MCTP1: variants seen among roughly 807,000 people sequenced by gnomAD.
The protein encoded by MCTP1 is multiple C2 and transmembrane domain-containing protein 1.
Under a neutral mutation model 120.6 loss-of-function variants are expected in MCTP1, and 69 were observed. The observed-to-expected ratio is 0.57, with a 90% CI of 0.47 to 0.70. MCTP1 has a LOEUF of 0.70. MCTP1 is among the 30% of genes least tolerant of loss of function. MCTP1 has a pLI of 0.00. For synonymous variants in MCTP1, 529 were observed against 493.1 expected (o/e 1.07, Z -0.96); for missense variants, 1,203 against 1,248.8 (o/e 0.96, Z 0.55).
At chr5:94,776,445 A>AC (rs2152925236) in intron 19 of MCTP1, among the ~76,000 whole-genome samples, 1 of 152,154 alleles carries the variant, frequency 6.6e-6, no homozygotes, top group Admixed American at 6.5e-5. Flanking sequence ...TACCCCATTT[A>AC]CCCCCAAGTC....
At chr5:94,771,081 C>T (rs1224410546) in intron 19 of MCTP1, among the ~76,000 whole-genome samples, 1 of 152,134 alleles carries the variant, frequency 6.6e-6, no homozygotes, top group Non-Finnish European at 1.5e-5. Context: ...TAGAAGCTTG[C>T]TTTGGAATTG....
Position 95,230,913 on chromosome 5 carries a change from G to A in MCTP1, c.720+52943C>T, listed in dbSNP as rs73776325. On this transcript the variant is annotated intron_variant, in intron 1 of 22. Transcript: ENST00000515393. Reference sequence around the variant, plus strand: ...CACATGCTGAAAAAAACTTCCCATCGTTTAGATTTTTAATCTTATGTGGAA... The same window carrying A: ...CACATGCTGAAAAAAACTTCCCATCATTTAGATTTTTAATCTTATGTGGAA... 6.2e-3 allele frequency among the ~76,000 whole-genome samples: 949 copies of A among 151,934 alleles called. 12 individuals are homozygous for A. Among genetic ancestry groups the A allele is most frequent in the African/African-American group, 0.021 (865 of 41,398 alleles).
At chr5:94,906,745 A>T (rs1450312811) in intron 10 of MCTP1, among the ~76,000 whole-genome samples, 2 of 152,358 alleles carry the variant, frequency 1.3e-5, no homozygotes, top group South Asian at 4.1e-4. Context: ...AATGTAATCC[A>T]TACAAATGTT....
chr5:95,017,729 A>G (rs1228142972), intron 1 of MCTP1, among the ~76,000 whole-genome samples: 2 of 152,156 alleles, frequency 1.3e-5, no homozygotes, highest in Non-Finnish European at 2.9e-5. Context: ...TGGATAACAA[A>G]TGGAATATAA....
chr5:95,133,900 G>A (rs1198370657), intron 1 of MCTP1, among the ~76,000 whole-genome samples: 1 of 152,202 alleles, frequency 6.6e-6, no homozygotes, highest in Non-Finnish European at 1.5e-5. Context: ...TTCCTCAGAA[G>A]AATTTTTCTG....
intron 10 of MCTP1, among the ~76,000 whole-genome samples, chr5:94,901,325 A>G (rs1176552854): frequency 6.6e-6 from 1 of 152,180 alleles, no homozygotes; most frequent in Non-Finnish European, 1.5e-5. Flanking sequence ...CCATGATTCA[A>G]TCACCTTCCA....
At chr5:95,040,814 G>A (rs1271587799) in intron 1 of MCTP1, among the ~76,000 whole-genome samples, 1 of 152,166 alleles carries the variant, frequency 6.6e-6, no homozygotes, top group East Asian at 1.9e-4. Flanking sequence ...CTTGGGACTT[G>A]GTTGAGAATG....
chr5:95,211,426 C>A (rs1752358316), intron 1 of MCTP1, among the ~76,000 whole-genome samples: 1 of 152,122 alleles, frequency 6.6e-6, no homozygotes, highest in Non-Finnish European at 1.5e-5. Flanking sequence ...TAATTCATTT[C>A]ATCTTCCATC....
intron 2 of MCTP1, among the ~76,000 whole-genome samples, chr5:94,960,643 G>A (rs994252515): frequency 3.6e-4 from 55 of 152,094 alleles, no homozygotes; most frequent in African/African-American, 1.1e-3. Flanking sequence ...AGACATTGAC[G>A]TGGCCAAGAA....
intron 3 of MCTP1, among the ~76,000 whole-genome samples, chr5:94,947,547 G>T (rs1819258497): frequency 1.2e-5 from 1 of 86,038 alleles, no homozygotes; most frequent in Non-Finnish European, 2.3e-5. Context: ...TTTAGTGTTA[G>T]TTTACTAAAT....
chr5:95,146,605 ATTTT>A (rs529159619), intron 1 of MCTP1, among the ~76,000 whole-genome samples: 9 of 151,960 alleles, frequency 5.9e-5, no homozygotes, highest in African/African-American at 2.2e-4. Context: ...AATTTTAAAG[ATTTT>A]TTTTAAATTT....
intron 11 of MCTP1, among the ~76,000 whole-genome samples, chr5:94,889,742 A>G (rs1305294101): frequency 7.2e-6 from 1 of 139,144 alleles, no homozygotes; most frequent in African/African-American, 2.7e-5. Flanking sequence ...CACCCTCATG[A>G]ATGTACACCA....
At chr5:95,097,385 A>C (rs1219023401) in intron 1 of MCTP1, among the ~76,000 whole-genome samples, 1 of 152,222 alleles carries the variant, frequency 6.6e-6, no homozygotes, top group Non-Finnish European at 1.5e-5. Context: ...GGCGAGAACC[A>C]GGGGAAGATT....
chr5:95,100,982 C>T (rs1443378713), intron 1 of MCTP1, among the ~76,000 whole-genome samples: 2 of 152,024 alleles, frequency 1.3e-5, no homozygotes, highest in African/African-American at 4.8e-5. Flanking sequence ...AGGTCTGTTG[C>T]AGGGAAAACA....
chr5:95,140,395 C>G (rs957655913), intron 1 of MCTP1, among the ~76,000 whole-genome samples: 1 of 151,918 alleles, frequency 6.6e-6, no homozygotes, highest in Non-Finnish European at 1.5e-5. Flanking sequence ...CCAGAAGAGA[C>G]CTTAGGAGGA....
At chr5:95,058,194 A>G (rs1244677619) in intron 1 of MCTP1, among the ~76,000 whole-genome samples, 1 of 152,230 alleles carries the variant, frequency 6.6e-6, no homozygotes, top group Non-Finnish European at 1.5e-5. Context: ...TCAAATACAT[A>G]AATTATTTAT....
At chr5:94,989,220 C>T (rs207466247) in intron 2 of MCTP1, among the ~76,000 whole-genome samples, 1 of 152,136 alleles carries the variant, frequency 6.6e-6, no homozygotes, top group Non-Finnish European at 1.5e-5. Context: ...TGTGAGCCAT[C>T]GTGCCTTTCT....
At chr5:95,037,559 G>A (rs1841563647) in intron 1 of MCTP1, among the ~76,000 whole-genome samples, 1 of 152,068 alleles carries the variant, frequency 6.6e-6, no homozygotes. Flanking sequence ...TAATAATGTA[G>A]AGACTTAAAA....
chr5:95,153,781 G>A (rs1373985218), intron 1 of MCTP1, among the ~76,000 whole-genome samples: 1 of 152,188 alleles, frequency 6.6e-6, no homozygotes, highest in Non-Finnish European at 1.5e-5. Flanking sequence ...AGAGGAAATG[G>A]AGTGTTCCTT....
Sources: allele counts gnomAD v4.1 joint callset (sites outside exome capture counted in the v4.1 genomes callset), GRCh38; gene constraint gnomAD v4.1.1; transcripts MANE v1.5; gene names NCBI Gene and HGNC (gene_info 2026-07-23, HGNC 2026-07-21).